The following RBFOX1 variants were observed in gnomAD, a reference collection of about 807,000 sequenced individuals.
The protein encoded by RBFOX1 is RNA binding protein fox-1 homolog 1.
A neutral mutation model predicts 57.7 loss-of-function variants in RBFOX1; 8 were observed. That is an observed-to-expected ratio of 0.14 (90% CI 0.08 to 0.25). The LOEUF (loss-of-function observed/expected upper bound fraction) is 0.25. Ranked by LOEUF, RBFOX1 falls within the 10% of genes least tolerant of loss-of-function variation. RBFOX1 has a pLI of 1.00. For missense variants in RBFOX1, 611 were observed against 548.5 expected, an observed-to-expected ratio of 1.11 and a Z score of -1.14; for synonymous variants, 326 against 222.4, an observed-to-expected ratio of 1.47 and a Z score of -4.15.
intron 1 of RBFOX1, among the ~76,000 whole-genome samples, chr16:6,277,037 T>A (rs2075871576): frequency 6.6e-6 from 1 of 152,186 alleles, no homozygotes; most frequent in Non-Finnish European, 1.5e-5. Context: ...AGTGTTTTTA[T>A]CTTAACCGGA....
chr16:7,557,790 GA>G (rs1290427705), intron 5 of RBFOX1, among the ~76,000 whole-genome samples: 2 of 152,066 alleles, frequency 1.3e-5, no homozygotes, highest in South Asian at 2.1e-4. Context: ...CTTGGTGGGG[GA>G]AGGAGCGGGA....
chr16:6,439,169 G>A (rs753436825), intron 2 of RBFOX1, among the ~76,000 whole-genome samples: 7 of 152,176 alleles, frequency 4.6e-5, no homozygotes, highest in Non-Finnish European at 8.8e-5. Context: ...TGAAGTTTGT[G>A]TTGTCATGAG....
intron 4 of RBFOX1, among the ~76,000 whole-genome samples, chr16:7,201,386 A>G (rs17670611): frequency 0.18 from 27,237 of 151,598 alleles, 2,651 homozygotes; most frequent in East Asian, 0.37. Flanking sequence ...AGAAGTGGGG[A>G]TTCTATTCTG....
At chr16:5,286,354 C>T (rs2063394629) in intron 1 of RBFOX1, among the ~76,000 whole-genome samples, 2 of 152,170 alleles carry the variant, frequency 1.3e-5, no homozygotes, top group South Asian at 2.1e-4. Flanking sequence ...TCTAGTTCTC[C>T]AGGTGATGTG....
chr16:6,004,408 A>C (rs1241636875), intron 4 of RBFOX1, among the ~76,000 whole-genome samples: 3 of 152,190 alleles, frequency 2.0e-5, no homozygotes, highest in African/African-American at 2.4e-5. Flanking sequence ...ATATTTGTAA[A>C]GATTTAGGAA....
chr16:6,526,829 C>CAAAAAAAA (rs541468859), intron 2 of RBFOX1, among the ~76,000 whole-genome samples: 19 of 32,888 alleles, frequency 5.8e-4, no homozygotes, highest in African/African-American at 8.7e-4. Context: ...GACTCTGTCT[C>CAAAAAAAA]AAAAAAAAAA....
At chr16:7,408,985 C>G (rs1311061659) in intron 4 of RBFOX1, among the ~76,000 whole-genome samples, 3 of 152,094 alleles carry the variant, frequency 2.0e-5, no homozygotes, top group African/African-American at 4.8e-5. Flanking sequence ...TTTTTGCATC[C>G]CCGCCCGTCA....
upstream of RBFOX1, among the ~76,000 whole-genome samples, chr16:6,017,897 T>C (rs1460079546): frequency 6.6e-6 from 1 of 152,138 alleles, no homozygotes; most frequent in Non-Finnish European, 1.5e-5. Context: ...GGATCCATGG[T>C]ATAAGTGCAA....
Position 7,152,286 on chromosome 16 carries a change from C to T in RBFOX1, c.27+100188C>T, listed in dbSNP as rs375220217. Among the ~76,000 whole-genome samples, 3 of 152,254 alleles carry T rather than the reference C, an allele frequency of 2.0e-5. No homozygotes were observed. The East Asian group carries it at 5.8e-4, about 29-fold the overall frequency. On this transcript the variant is annotated intron_variant, in intron 4 of 15. Transcript: ENST00000550418. ...AGTAAACCCACCCATGGAAAGTATT[C>T]TATCAGTGGAAAGAGAGATGTTGCT... is the stretch of plus-strand genomic sequence containing the variant.
intron 14 of RBFOX1, among the ~76,000 whole-genome samples, chr16:7,693,581 C>G (rs2077887857): frequency 1.3e-5 from 2 of 151,794 alleles, no homozygotes; most frequent in South Asian, 4.2e-4. Context: ...TGTTTTATTT[C>G]TGGTTTTAAT....
intron 3 of RBFOX1, among the ~76,000 whole-genome samples, chr16:5,659,728 T>C (rs1336731556): frequency 6.6e-6 from 1 of 152,180 alleles, no homozygotes; most frequent in Non-Finnish European, 1.5e-5. Flanking sequence ...CTCTAACTGA[T>C]AAGTTAAAGA....
chr16:5,873,314 A>G (rs1434011722), intron 4 of RBFOX1, among the ~76,000 whole-genome samples: 1 of 152,206 alleles, frequency 6.6e-6, no homozygotes, highest in Non-Finnish European at 1.5e-5. Context: ...CTATGACTTA[A>G]TTCACATTGG....
rs1229507833 is a variant in RBFOX1 at position 6,097,416 on chromosome 16, T to C, written c.-127+77424T>C. Reference sequence around the variant, plus strand: ...ACCATGGTCTGCAGACTACCAGCATTAGCAAGGCCTGGGAGTTTGTGAGAG... The same window carrying C: ...ACCATGGTCTGCAGACTACCAGCATCAGCAAGGCCTGGGAGTTTGTGAGAG... On this transcript the variant is annotated intron_variant, in intron 1 of 15. Coordinates refer to ENST00000550418, the MANE Select transcript of RBFOX1 (RefSeq NM_018723.4). The surrounding 1 kb of genome is among the most constrained non-coding windows in gnomAD (Gnocchi z 5.0). 6.6e-6 allele frequency among the ~76,000 whole-genome samples: 1 copy of C among 152,080 alleles called. No individual in the cohort carries two copies. Among genetic ancestry groups the C allele is most frequent in the Non-Finnish European group, 1.5e-5 (1 of 68,024 alleles).
intron 14 of RBFOX1, among the ~76,000 whole-genome samples, chr16:7,704,911 G>A (rs1461005946): frequency 6.6e-6 from 1 of 152,076 alleles, no homozygotes; most frequent in African/African-American, 2.4e-5. Context: ...GCCACGTATG[G>A]TGATGGGCGC....
At chr16:6,295,593 C>G (rs2078011059) in intron 1 of RBFOX1, among the ~76,000 whole-genome samples, 1 of 152,234 alleles carries the variant, frequency 6.6e-6, no homozygotes, top group Non-Finnish European at 1.5e-5. Context: ...CAGCAGGTAG[C>G]TTCTACATCC....
chr16:6,605,943 T>C lies in RBFOX1; in HGVS notation c.-63-48660T>C, dbSNP rs577405649. ...GGTGAAACCTCGTCTCTACTAAAAT[T>C]ACAGAAATTAGCGGAGCATGGTTGG... On this transcript the variant is annotated intron_variant, in intron 2 of 15. Coordinates refer to ENST00000550418, the MANE Select transcript of RBFOX1 (RefSeq NM_018723.4). 3.3e-5 allele frequency among the ~76,000 whole-genome samples: 5 copies of C among 151,852 alleles called. No homozygotes were observed. In the South Asian group the frequency reaches 1.0e-3, roughly 32 times the overall value.
At chr16:7,066,192 A>G (rs950087655) in intron 4 of RBFOX1, among the ~76,000 whole-genome samples, 1 of 152,192 alleles carries the variant, frequency 6.6e-6, no homozygotes, top group African/African-American at 2.4e-5. Context: ...ACACTTAGAG[A>G]AAAAGGGAGG....
intron 1 of RBFOX1, among the ~76,000 whole-genome samples, chr16:6,164,757 C>G (rs55660912): frequency 0.016 from 2,375 of 152,226 alleles, 64 homozygotes; most frequent in African/African-American, 0.055. Flanking sequence ...GTGTGACCCA[C>G]CGTGCCCAGC....
chr16:5,738,629 G>C (rs1300487145), intron 3 of RBFOX1, among the ~76,000 whole-genome samples: 6 of 71,110 alleles, frequency 8.4e-5, no homozygotes, highest in Non-Finnish European at 1.8e-4. Context: ...GCAAGGCTCT[G>C]TCTCAGAAAA....
Sources: allele counts gnomAD v4.1 joint callset (sites outside exome capture counted in the v4.1 genomes callset), GRCh38; gene constraint gnomAD v4.1.1; non-coding constraint Gnocchi (gnomAD v3.1); transcripts MANE v1.5; gene names NCBI Gene and HGNC (gene_info 2026-07-23, HGNC 2026-07-21).